The following HIRA variants were observed in gnomAD, a reference collection of about 807,000 sequenced individuals.
HIRA encodes protein HIRA.
HIRA carries 13 observed loss-of-function variants against 126.6 expected under a neutral mutation model. The observed-to-expected ratio is 0.10, with a 90% confidence interval of 0.07 to 0.16. The LOEUF (loss-of-function observed/expected upper bound fraction) is 0.16. HIRA is among the 10% of genes least tolerant of loss of function. The pLI is 1.00. For missense variants in HIRA, 834 were observed against 1,314.4 expected, an observed-to-expected ratio of 0.63 and a Z score of 5.65; for synonymous variants, 511 against 520.0, an observed-to-expected ratio of 0.98 and a Z score of 0.24.
chr22:19,342,334 C>T (rs1556007759), intron 24 of HIRA, among the ~76,000 whole-genome samples: 1 of 152,134 alleles, frequency 6.6e-6, no homozygotes, highest in Admixed American at 6.5e-5. Context: ...GAAAAGGGAA[C>T]ACTTTTACAC....
chr22:19,385,509 C>T lies in HIRA; in HGVS notation c.1329+12G>A, dbSNP rs747973533. On this transcript the variant is annotated intron_variant, in intron 12 of 24. Transcript: ENST00000263208. Reference sequence around the variant, plus strand: ...TGTCCATGTCTTTAGCGCCACCAGGCAGGGCTCTCACCTTCCTGATATCTT... The same window carrying T: ...TGTCCATGTCTTTAGCGCCACCAGGTAGGGCTCTCACCTTCCTGATATCTT... The T allele has an allele frequency of 5.6e-5, 90 of 1,609,970 alleles. No homozygotes were observed. The highest frequency in any genetic ancestry group is 1.0e-4 in the Admixed American group (6 of 59,980).
At chr22:19,357,948 G>A (rs1022066815) in intron 18 of HIRA, among the ~76,000 whole-genome samples, 1 of 152,208 alleles carries the variant, frequency 6.6e-6, no homozygotes, top group African/African-American at 2.4e-5. Context: ...GTATGAATCA[G>A]AGAACACTCT....
chr22:19,390,917 T>G (rs1407396441), intron 9 of HIRA, among the ~76,000 whole-genome samples: 1 of 152,032 alleles, frequency 6.6e-6, no homozygotes, highest in Admixed American at 6.6e-5. Flanking sequence ...ATGTATCAGT[T>G]CCAGCTTATC....
chr22:19,379,654 ATTTCTTTTTTTTTTTTT>A, intron 13 of HIRA, among the ~76,000 whole-genome samples: 1 of 133,568 alleles, frequency 7.5e-6, no homozygotes, highest in Non-Finnish European at 1.6e-5. Context: ...GAAATACTTG[ATTTCTTTTTTTTTTTTT>A]TTGTGAACTG....
intron 24 of HIRA, among the ~76,000 whole-genome samples, chr22:19,346,401 G>C (rs577209658): frequency 6.6e-6 from 1 of 152,178 alleles, no homozygotes; most frequent in Non-Finnish European, 1.5e-5. Context: ...AGCACAGAAG[G>C]CTCATGCTCA....
At chr22:19,397,860 G>A in intron 6 of HIRA, 132 bp downstream of exon 6, 1 of 599,826 alleles carries the variant, frequency 1.7e-6, no homozygotes, top group Non-Finnish European at 3.0e-6. Flanking sequence ...AAGAAAAACT[G>A]ACAAGACACA....
intron 15 of HIRA, among the ~76,000 whole-genome samples, chr22:19,363,724 C>A (rs969716956): frequency 8.6e-5 from 13 of 152,022 alleles, no homozygotes; most frequent in Non-Finnish European, 4.4e-5. Context: ...ATGGTGAGAC[C>A]CCATCTCTAC....
chr22:19,379,004 A>G (rs1439167877), intron 13 of HIRA, among the ~76,000 whole-genome samples: 2 of 151,938 alleles, frequency 1.3e-5, no homozygotes, highest in Admixed American at 6.6e-5. Context: ...TCTTATTTTG[A>G]TATGAGTGAC....
intron 15 of HIRA, among the ~76,000 whole-genome samples, chr22:19,365,070 C>T (rs2088900097): frequency 1.3e-5 from 2 of 152,214 alleles, no homozygotes; most frequent in Non-Finnish European, 2.9e-5. Flanking sequence ...AAGCAAGGCT[C>T]TAACTATTTT....
intron 1 of HIRA, among the ~76,000 whole-genome samples, chr22:19,416,460 G>A (rs916348894): frequency 5.9e-5 from 9 of 151,960 alleles, no homozygotes; most frequent in African/African-American, 9.7e-5. Context: ...AGTAGTTGGG[G>A]ACTGAGGGCA....
intron 22 of HIRA, 44 bp from the exon 23 acceptor site, chr22:19,353,563 A>G (rs2088780276): frequency 6.5e-7 from 1 of 1,541,586 alleles, no homozygotes; most frequent in Non-Finnish European, 8.7e-7. Flanking sequence ...AGCAGGCACT[A>G]CACAGAGTCA....
In HIRA at chr22:19,396,657, G is replaced by C; in HGVS notation, c.654+130C>G. ...CACCCCAGAGAGCCTTGGTGAATCC[G>C]CTCAGGCCCCCGGACTCTGTGCATT... On this transcript the variant is annotated intron_variant, in intron 7 of 24. Coordinates refer to ENST00000263208, the MANE Select transcript of HIRA (RefSeq NM_003325.4). The C allele has an allele frequency of 5.8e-6, 5 of 860,248 alleles. 1 individual carries two copies. The highest frequency in any genetic ancestry group is 3.7e-4 in the Middle Eastern group (1 of 2,714). The allele number at this position is 860,248 out of a possible 1,614,324, so 53.3% of individuals were successfully genotyped here. A position where few individuals can be genotyped will look rare whatever the true frequency, so the allele number is the denominator to read the frequency against.
At chr22:19,405,734 A>C (rs2089302990) in intron 5 of HIRA, 52 bp downstream of exon 5, 1 of 1,271,688 alleles carries the variant, frequency 7.9e-7, no homozygotes, top group African/African-American at 1.5e-5. Context: ...GGTGCTGCTG[A>C]TCTGAGCCAG....
At chr22:19,334,646 T>C (rs1300620664) in intron 24 of HIRA, among the ~76,000 whole-genome samples, 1 of 151,596 alleles carries the variant, frequency 6.6e-6, no homozygotes, top group Non-Finnish European at 1.5e-5. Flanking sequence ...AATTAGCCAG[T>C]CCTGACCTCA....
Position 19,390,601 on chromosome 22 carries a change from C to CAAAAAAAAAAAAAAAAAAAAAA in HIRA, c.936+1478_936+1499dup. 1.4e-3 allele frequency among the ~76,000 whole-genome samples: 53 copies of CAAAAAAAAAAAAAAAAAAAAAA among 38,338 alleles called. 9 individuals are homozygous for CAAAAAAAAAAAAAAAAAAAAAA. The highest frequency in any genetic ancestry group is 1.8e-3 in the Non-Finnish European group (38 of 20,702). 25.2% of individuals were successfully genotyped at this position (38,338 alleles called of 152,430 possible). On this transcript the variant is annotated intron_variant, in intron 9 of 24. Coordinates refer to ENST00000263208, the MANE Select transcript of HIRA (RefSeq NM_003325.4). The stretch of plus-strand genomic sequence containing the variant: ...TGGGCAATAGAGGGAGACTCTGTCT[C>CAAAAAAAAAAAAAAAAAAAAAA]AAAAAAAAAAAAAAAAAAAAAAAAA...
In HIRA at chr22:19,414,836, A is replaced by G. The variant is rs571819829; in HGVS notation, c.38-4058T>C. Among the ~76,000 whole-genome samples the G allele has an allele frequency of 2.3e-4, 35 of 152,370 alleles. 1 individual carries two copies. The South Asian group carries it at 7.2e-3, about 32-fold the overall frequency. ...CAGGAGTTTGAGACCAGCCTGACCAACAGGCGCACCATTGCACTCCAGCCT... is the reference window on the plus strand; with the variant it reads ...CAGGAGTTTGAGACCAGCCTGACCAGCAGGCGCACCATTGCACTCCAGCCT... On this transcript the variant is annotated intron_variant, in intron 1 of 24. Coordinates refer to ENST00000263208, the MANE Select transcript of HIRA (RefSeq NM_003325.4).
At chr22:19,361,557 A>G (rs1361909537) in intron 16 of HIRA, among the ~76,000 whole-genome samples, 170 bp downstream of exon 16, 1 of 152,226 alleles carries the variant, frequency 6.6e-6, no homozygotes, top group Non-Finnish European at 1.5e-5. Context: ...AGTCAAGGGC[A>G]CATCTGAGGG....
intron 1 of HIRA, among the ~76,000 whole-genome samples, chr22:19,412,931 C>T (rs1456831068): frequency 6.6e-6 from 1 of 152,170 alleles, no homozygotes; most frequent in African/African-American, 2.4e-5. Context: ...GGACACTTCA[C>T]AAGCAGAAAG....
intron 9 of HIRA, among the ~76,000 whole-genome samples, chr22:19,389,254 G>C (rs1479183873): frequency 1.3e-5 from 2 of 152,112 alleles, no homozygotes; most frequent in African/African-American, 2.4e-5. Context: ...CTGGATGACT[G>C]CATAGCATGC....
Sources: allele counts gnomAD v4.1 joint callset (sites outside exome capture counted in the v4.1 genomes callset), GRCh38; gene constraint gnomAD v4.1.1; transcripts MANE v1.5; gene names NCBI Gene and HGNC (gene_info 2026-07-23, HGNC 2026-07-21).